CPNE4: variants seen among roughly 807,000 people sequenced by gnomAD.
CPNE4 encodes copine-4.
In CPNE4, 25 loss-of-function variants were observed where a neutral mutation model predicts 67.9. That is an observed-to-expected ratio of 0.37 (90% CI 0.27 to 0.51). CPNE4 has a LOEUF of 0.51. Ranked by LOEUF, CPNE4 falls within the 20% of genes least tolerant of loss-of-function variation. CPNE4 has a pLI of 0.93. For synonymous variants in CPNE4, 242 were observed against 244.9 expected (o/e 0.99, Z 0.11); for missense variants, 464 against 690.8 (o/e 0.67, Z 3.68).
chr3:131,701,155 A>G (rs2081290897), intron 3 of CPNE4, among the ~76,000 whole-genome samples: 1 of 151,154 alleles, frequency 6.6e-6, no homozygotes, highest in Non-Finnish European at 1.5e-5. Flanking sequence ...ATGATGAGTT[A>G]ATGGGTGCAG....
At chr3:131,574,112 G>C (rs943287515) in intron 10 of CPNE4, among the ~76,000 whole-genome samples, 2 of 152,046 alleles carry the variant, frequency 1.3e-5, no homozygotes, top group Non-Finnish European at 2.9e-5. Context: ...CCCAAAGCTT[G>C]ACTAAAAATT....
chr3:131,792,176 G>A (rs1353581008), intron 2 of CPNE4, among the ~76,000 whole-genome samples: 1 of 151,774 alleles, frequency 6.6e-6, no homozygotes, highest in East Asian at 1.9e-4. Flanking sequence ...GTTTATTCTT[G>A]CCCCCCTCTC....
intron 2 of CPNE4, among the ~76,000 whole-genome samples, chr3:131,868,816 C>T (rs1344507635): frequency 6.6e-6 from 1 of 152,124 alleles, no homozygotes; most frequent in East Asian, 1.9e-4. Flanking sequence ...GCAGGAGTAG[C>T]TCATGTTGTC....
intron 1 of CPNE4, chr3:132,017,335 G>A (rs2073908586): frequency 6.6e-6 from 1 of 151,856 alleles, no homozygotes; most frequent in African/African-American, 2.4e-5. Flanking sequence ...AGAATAGAAG[G>A]AAGGAAGGAT....
intron 2 of CPNE4, among the ~76,000 whole-genome samples, chr3:131,769,433 C>G (rs1297852437): frequency 6.6e-6 from 1 of 152,078 alleles, no homozygotes; most frequent in Non-Finnish European, 1.5e-5. Flanking sequence ...AAGATGGCTA[C>G]CAGCTGATTG....
At chr3:131,666,229 C>T (rs1249073378) in intron 7 of CPNE4, among the ~76,000 whole-genome samples, 1 of 149,718 alleles carries the variant, frequency 6.7e-6, no homozygotes, top group Non-Finnish European at 1.5e-5. Context: ...GCAGTTTTGA[C>T]TTTGGAACCA....
At chr3:131,943,779 T>C (rs996648451) in intron 1 of CPNE4, among the ~76,000 whole-genome samples, 4 of 152,258 alleles carry the variant, frequency 2.6e-5, no homozygotes, top group Middle Eastern at 3.4e-3. Flanking sequence ...TTCCCCTCAC[T>C]AACCTCATAA....
chr3:131,816,922 C>T (rs1257285325), intron 2 of CPNE4, among the ~76,000 whole-genome samples: 1 of 152,160 alleles, frequency 6.6e-6, no homozygotes, highest in Non-Finnish European at 1.5e-5. Flanking sequence ...GTAAACTGCA[C>T]CCACTTAAAG....
chr3:131,766,370 A>C (rs895796895), intron 2 of CPNE4, among the ~76,000 whole-genome samples: 9 of 152,104 alleles, frequency 5.9e-5, no homozygotes, highest in African/African-American at 1.9e-4. Flanking sequence ...TCTTCCAGGT[A>C]CCAGAAGGGA....
chr3:131,869,548 C>T (rs749143626), intron 2 of CPNE4, among the ~76,000 whole-genome samples: 1 of 152,082 alleles, frequency 6.6e-6, no homozygotes, highest in African/African-American at 2.4e-5. Flanking sequence ...TTAAGAAAAA[C>T]CTGCCAGCCA....
intron 1 of CPNE4, among the ~76,000 whole-genome samples, chr3:132,022,790 T>A (rs1336200372): frequency 6.6e-6 from 1 of 152,278 alleles, no homozygotes; most frequent in African/African-American, 2.4e-5. Flanking sequence ...GACCAAACAG[T>A]CAGACAACTA....
At chr3:131,894,209 G>C (rs2088228844) in intron 2 of CPNE4, among the ~76,000 whole-genome samples, 1 of 151,796 alleles carries the variant, frequency 6.6e-6, no homozygotes, top group African/African-American at 2.4e-5. Flanking sequence ...TGAAAAAATT[G>C]AGTGAGTAAT....
chr3:131,792,925 G>GTGTGTGTGTGTGTGTGTGTATATCTATA (rs58502463), intron 2 of CPNE4, among the ~76,000 whole-genome samples: 1 of 135,142 alleles, frequency 7.4e-6, no homozygotes, highest in African/African-American at 2.9e-5. Flanking sequence ...GTGTGTGTGT[G>GTGTGTGTGTGTGTGTGTGTATATCTATA]TATCTCCAAC....
intron 1 of CPNE4, among the ~76,000 whole-genome samples, chr3:132,029,896 GTTTAC>G (rs1373956501): frequency 6.7e-6 from 1 of 149,508 alleles, no homozygotes; most frequent in Non-Finnish European, 1.5e-5. Flanking sequence ...AACTCTCTTT[GTTTAC>G]TTTATTGACT....
At chr3:131,857,740 G>T (rs945823575) in intron 2 of CPNE4, among the ~76,000 whole-genome samples, 9 of 152,084 alleles carry the variant, frequency 5.9e-5, no homozygotes, top group African/African-American at 1.9e-4. Context: ...CCCTGTTACG[G>T]CCCTTCATGC....
At chr3:131,567,860 T>C (rs967047963) in intron 10 of CPNE4, among the ~76,000 whole-genome samples, 1 of 151,980 alleles carries the variant, frequency 6.6e-6, no homozygotes, top group African/African-American at 2.4e-5. Context: ...AGGTTAGTAT[T>C]GGGCTGCCTG....
intron 2 of CPNE4, among the ~76,000 whole-genome samples, chr3:131,792,925 G>GTGTGTATATATA (rs58502463): frequency 6.7e-4 from 91 of 135,234 alleles, no homozygotes; most frequent in South Asian, 4.6e-3. Context: ...GTGTGTGTGT[G>GTGTGTATATATA]TATCTCCAAC....
chr3:131,664,804 A>T (rs79575261), intron 7 of CPNE4, among the ~76,000 whole-genome samples: 1 of 152,156 alleles, frequency 6.6e-6, no homozygotes, highest in Non-Finnish European at 1.5e-5. Flanking sequence ...ATAAACTCTA[A>T]TATGCTTTAG....
At chr3:131,698,108 G>A (rs187802927) in intron 4 of CPNE4, among the ~76,000 whole-genome samples, 17 of 151,492 alleles carry the variant, frequency 1.1e-4, no homozygotes, top group African/African-American at 3.1e-4. Flanking sequence ...GGTGGTGGGC[G>A]CCTGTAGTCC....
Sources: gnomAD v4.1 joint callset for allele counts (sites outside exome capture counted in the v4.1 genomes callset) on GRCh38, gnomAD v4.1.1 for gene constraint, MANE v1.5 for transcripts, NCBI Gene and HGNC (gene_info 2026-07-23, HGNC 2026-07-21) for gene names.